The following PHF14 variants were observed in gnomAD, a reference collection of about 807,000 sequenced individuals.
The protein encoded by PHF14 is PHD finger protein 14.
Under a neutral mutation model 117.9 loss-of-function variants are expected in PHF14, and 55 were observed. The ratio of observed to expected loss-of-function variants is 0.47; its 90% CI spans 0.38 to 0.58. PHF14 has a LOEUF of 0.58. PHF14 is among the 20% of genes least tolerant of loss of function. PHF14 has a pLI of 0.00. For missense variants in PHF14, 978 were observed against 1,122.2 expected, an observed-to-expected ratio of 0.87 and a Z score of 1.84; for synonymous variants, 409 against 368.6, an observed-to-expected ratio of 1.11 and a Z score of -1.26.
intron 16 of PHF14, among the ~76,000 whole-genome samples, chr7:11,095,935 T>C (rs1338784576): frequency 6.6e-6 from 1 of 152,142 alleles, no homozygotes; most frequent in Non-Finnish European, 1.5e-5. Context: ...TCTCTACCTG[T>C]ATATAGAAGG....
At chr7:11,118,684 G>C (rs1787667267) in intron 17 of PHF14, among the ~76,000 whole-genome samples, 1 of 151,694 alleles carries the variant, frequency 6.6e-6, no homozygotes, top group African/African-American at 2.4e-5. Flanking sequence ...TTTTTATCAA[G>C]TAATCATTTT....
chr7:11,005,126 G>A (rs1783035114), intron 4 of PHF14, among the ~76,000 whole-genome samples: 1 of 151,662 alleles, frequency 6.6e-6, no homozygotes, highest in African/African-American at 2.4e-5. Context: ...TGTAATTAAT[G>A]ATAAATCTGT....
chr7:11,105,648 C>G, intron 16 of PHF14: 1 of 984,332 alleles, frequency 1.0e-6, no homozygotes, highest in Non-Finnish European at 1.2e-6. Flanking sequence ...TGTAAGTTTA[C>G]ATAAAATTAA....
At chr7:10,994,550 G>A (rs987501654) in intron 4 of PHF14, among the ~76,000 whole-genome samples, 1 of 152,210 alleles carries the variant, frequency 6.6e-6, no homozygotes, top group African/African-American at 2.4e-5. Context: ...GAGTAGAGAT[G>A]GGAGTAATCC....
intron 5 of PHF14, among the ~76,000 whole-genome samples, chr7:11,015,714 T>G (rs765148163): frequency 2.0e-5 from 3 of 151,974 alleles, no homozygotes; most frequent in Non-Finnish European, 2.9e-5. Flanking sequence ...GGTCAGTAAA[T>G]GTCTCCTTAC....
At chr7:11,122,346 TATATATACACACAC>T (rs1787782740) in intron 17 of PHF14, among the ~76,000 whole-genome samples, 1 of 64,554 alleles carries the variant, frequency 1.5e-5, no homozygotes, top group South Asian at 4.5e-4. Context: ...TATATATATA[TATATATACACACAC>T]ACACACACAC....
At position 11,138,244 on chromosome 7, in the gene PHF14, C is replaced by T. The variant is rs189770199; in HGVS notation, c.2772+26777C>T. Among the ~76,000 whole-genome samples the T allele has an allele frequency of 6.4e-4, 97 of 151,524 alleles. 1 individual carries two copies. The highest frequency in any genetic ancestry group is 2.8e-3 in the East Asian group (14 of 5,010). On this transcript the variant is annotated intron_variant, in intron 17 of 17. Transcript: ENST00000634607. ...TTTTAGTAGAGGCAGGGTTTCACCG[C>T]GTTAGCCAGGATGGTCTCGATCTCC...
chr7:10,982,616 G>C lies in PHF14; in HGVS notation c.357G>C (p.Lys119Asn), dbSNP rs560370839. ...ERPRKKKEKE[K>N]EKEKEKEKEK... ...CTAGAAAGAAAAAGGAGAAAGAGAA[G>C]GAAAAAGAAAAGGAAAAGGAGAAAG... Residue 119 changes from lysine to asparagine, a missense_variant, in exon 3 of 18, where the codon AAG (lysine) becomes AAC (asparagine). Coordinates refer to ENST00000634607, the MANE Select transcript of PHF14 (RefSeq NM_001007157.2). 1 of 1,523,626 alleles carries C rather than the reference G, an allele frequency of 6.6e-7. No homozygotes were observed. The highest frequency in any genetic ancestry group is 2.5e-5 in the East Asian group (1 of 40,724). The allele number at this position is 1,523,626 out of a possible 1,614,324, so 94.4% of individuals were successfully genotyped here.
At chr7:11,095,780 T>TA (rs1485516059) in intron 16 of PHF14, among the ~76,000 whole-genome samples, 1 of 152,188 alleles carries the variant, frequency 6.6e-6, no homozygotes, top group Admixed American at 6.5e-5. Context: ...ATGATGTAAG[T>TA]ATCAAGCATC....
In PHF14 at chr7:11,018,303, A is replaced by G. The variant is rs553893640; in HGVS notation, c.1205+4397A>G. Among the ~76,000 whole-genome samples the G allele has an allele frequency of 2.0e-5, 3 of 152,152 alleles. No individual in the cohort carries two copies. The East Asian group carries it at 5.8e-4, about 29-fold the overall frequency. Reference sequence around the variant, plus strand: ...TGTGAAGAATGTCATTGGTATTTTGATAGGGATTGCATTGAATCTGTAGAT... The same window carrying G: ...TGTGAAGAATGTCATTGGTATTTTGGTAGGGATTGCATTGAATCTGTAGAT... On this transcript the variant is annotated intron_variant, in intron 5 of 17. Transcript: ENST00000634607.
At chr7:11,036,329 T>C (rs2128322316) in intron 8 of PHF14, 89 bp from the exon 9 acceptor site, 2 of 1,112,370 alleles carry the variant, frequency 1.8e-6, no homozygotes, top group Non-Finnish European at 2.6e-6. Context: ...TATCTTTCTG[T>C]GAACATGGGA....
intron 5 of PHF14, among the ~76,000 whole-genome samples, chr7:11,016,458 G>A (rs1156496154): frequency 6.6e-6 from 1 of 152,018 alleles, no homozygotes; most frequent in Non-Finnish European, 1.5e-5. Context: ...GTTCTACATA[G>A]AAAATGATGT....
Position 10,982,604 on chromosome 7 carries a change from G to T in PHF14, c.345G>T (p.Lys115Asn). The change falls in exon 3 of 18, where the codon AAG (lysine) becomes AAT (asparagine). Residue 115 changes from lysine to asparagine, a missense_variant. Physicochemically the swap from Lys to Asn is moderately conservative, Grantham distance 94 (BLOSUM62 0). This residue lies in a region of PHF14 where 414 missense variants were observed against 376.4 expected (regional missense o/e 1.10). Transcript: ENST00000634607. ...ATGGAGAAAGACCTAGAAAGAAAAA[G>T]GAGAAAGAGAAGGAAAAAGAAAAGG... ...EENGERPRKK[K>N]EKEKEKEKEK... 6.6e-7 allele frequency: 1 copy of T among 1,513,442 alleles called. No individual in the cohort carries two copies. The highest frequency in any genetic ancestry group is 9.0e-7 in the Non-Finnish European group (1 of 1,115,588). 93.8% of individuals were successfully genotyped at this position (1,513,442 alleles called of 1,614,324 possible). A position where few individuals can be genotyped will look rare whatever the true frequency, so the allele number is the denominator to read the frequency against.
At chr7:11,106,427 A>G (rs1787268134) in intron 16 of PHF14, 1 of 955,092 alleles carries the variant, frequency 1.0e-6, no homozygotes, top group Non-Finnish European at 1.2e-6. Context: ...TATTTTGTAT[A>G]GAAACTGCTC....
intron 4 of PHF14, among the ~76,000 whole-genome samples, chr7:11,013,371 A>C (rs1420699502): frequency 6.6e-6 from 1 of 152,108 alleles, no homozygotes; most frequent in Non-Finnish European, 1.5e-5. Flanking sequence ...CGTGTTGGCC[A>C]GGCTGGTCTC....
At chr7:11,015,881 A>G (rs1783517970) in intron 5 of PHF14, among the ~76,000 whole-genome samples, 1 of 151,110 alleles carries the variant, frequency 6.6e-6, no homozygotes, top group African/African-American at 2.4e-5. Context: ...TTTGGTGATA[A>G]ATTGTGGTGA....
chr7:11,160,153 G>A (rs1255162635), intron 17 of PHF14, among the ~76,000 whole-genome samples: 2 of 152,146 alleles, frequency 1.3e-5, no homozygotes, highest in African/African-American at 4.8e-5. Flanking sequence ...TTATGAGTAA[G>A]AACATGTGGC....
rs542277553 is a variant in PHF14 at position 11,026,132 on chromosome 7, G to T, written c.1318-2549G>T. On this transcript the variant is annotated intron_variant, in intron 6 of 17. Coordinates refer to ENST00000634607, the MANE Select transcript of PHF14 (RefSeq NM_001007157.2). The stretch of plus-strand genomic sequence containing the variant: ...ATCAAAAAAAAAAAAAAAAAAGAGA[G>T]AGAAATTGCCACAGCCACTCCAACT... Among the ~76,000 whole-genome samples the T allele has an allele frequency of 6.1e-4, 91 of 148,196 alleles. 2 individuals are homozygous for T. In the South Asian group the frequency reaches 0.019, roughly 31 times the overall value.
intron 16 of PHF14, among the ~76,000 whole-genome samples, chr7:11,095,570 A>G (rs553772959): frequency 2.6e-5 from 4 of 152,268 alleles, no homozygotes; most frequent in South Asian, 2.1e-4. Flanking sequence ...GGTTTTCTCA[A>G]CCTGGGTTTC....
Sources: gnomAD v4.1 joint callset for allele counts (sites outside exome capture counted in the v4.1 genomes callset) on GRCh38, gnomAD v4.1.1 for gene constraint, gnomAD v4.1.1 regional missense constraint, MANE v1.5 for transcripts, NCBI Gene and HGNC (gene_info 2026-07-23, HGNC 2026-07-21) for gene names.